GNG7: variants seen among roughly 807,000 people sequenced by gnomAD.
GNG7 encodes G protein subunit gamma 7.
A neutral mutation model predicts 4.0 loss-of-function variants in GNG7; 1 was observed. That is an observed-to-expected ratio of 0.25 (90% CI 0.09 to 1.18). The LOEUF (loss-of-function observed/expected upper bound fraction) is 1.18. Ranked by LOEUF, GNG7 falls within the 50% of genes most tolerant of loss-of-function variation. The pLI is 0.50. For missense variants in GNG7, 86 were observed against 91.9 expected, an observed-to-expected ratio of 0.94 and a Z score of 0.26; for synonymous variants, 34 against 36.9, an observed-to-expected ratio of 0.92 and a Z score of 0.29.
chr19:2,513,058 C>G lies in GNG7; in HGVS notation c.*1964G>C. On this transcript the variant is annotated 3_prime_UTR_variant, in exon 5 of 5. Transcript: ENST00000382159. ...GGACCTGCCGTAGAGAGCTGGGTGC[C>G]GGGGGTGGGGAGCCCGGCTGTGGCC... 1.0e-6 allele frequency: 1 copy of G among 985,534 alleles called. No individual in the cohort carries two copies. The highest frequency in any genetic ancestry group is 1.2e-6 in the Non-Finnish European group (1 of 830,038). 61.0% of individuals were successfully genotyped at this position (985,534 alleles called of 1,614,324 possible). A position where few individuals can be genotyped will look rare whatever the true frequency, so the allele number is the denominator to read the frequency against.
Position 2,511,397 on chromosome 19 carries a change from G to C in GNG7, c.*3625C>G, listed in dbSNP as rs117030699. 1,327 of 152,412 alleles carry C rather than the reference G, an allele frequency of 8.7e-3. 14 individuals carry two copies. Among genetic ancestry groups the C allele is most frequent in the Middle Eastern group, 0.041 (12 of 294 alleles). The allele number at this position is 152,412 out of a possible 1,614,324, so 9.4% of individuals were successfully genotyped here. ...ATAGAACCTGCTAGAACCACAGGCG[G>C]CGGCTGGAAACAGGAGACAGGTCTT... is the stretch of plus-strand genomic sequence containing the variant. On this transcript the variant is annotated 3_prime_UTR_variant, in exon 5 of 5. Transcript: ENST00000382159. The surrounding 1 kb of genome is among the most constrained non-coding windows in gnomAD (Gnocchi z 6.3).
At position 2,513,674 on chromosome 19, in the gene GNG7, G is replaced by A. The variant is rs1196655303; in HGVS notation, c.*1348C>T. On this transcript the variant is annotated 3_prime_UTR_variant, in exon 5 of 5. Transcript: ENST00000382159. ...CGAGCGACAGGGTAACGTTTTGAGCGGACGTTTTGATCTCCGGGACAACGT... is the reference window on the plus strand; with the variant it reads ...CGAGCGACAGGGTAACGTTTTGAGCAGACGTTTTGATCTCCGGGACAACGT... The A allele has an allele frequency of 8.3e-6, 5 of 601,598 alleles. No individual in the cohort carries two copies. The highest frequency in any genetic ancestry group is 6.3e-5 in the Admixed American group (1 of 15,764). The allele number at this position is 601,598 out of a possible 1,614,324, so 37.3% of individuals were successfully genotyped here.
rs947616160 is a variant in GNG7 at position 2,557,188 on chromosome 19, C to A, written c.-77-2000G>T. On this transcript the variant is annotated intron_variant, in intron 2 of 4. Transcript: ENST00000382159. The surrounding 1 kb of genome is among the most constrained non-coding windows in gnomAD (Gnocchi z 5.1). ...CGCGCACACACGTACACACAAGACA[C>A]GTGCACACACATTTGCATGCACACA... is the stretch of plus-strand genomic sequence containing the variant. Among the ~76,000 whole-genome samples, 1 of 151,734 alleles carries A rather than the reference C, an allele frequency of 6.6e-6. No homozygotes were observed. Among genetic ancestry groups the A allele is most frequent in the Non-Finnish European group, 1.5e-5 (1 of 67,944 alleles).
intron 2 of GNG7, among the ~76,000 whole-genome samples, chr19:2,574,581 G>A (rs72974893): frequency 0.085 from 12,997 of 152,242 alleles, 809 homozygotes; most frequent in African/African-American, 0.17. Flanking sequence ...TCATGGCTGC[G>A]TAATATTCCA....
intron 2 of GNG7, among the ~76,000 whole-genome samples, chr19:2,595,482 C>G (rs1357184818): frequency 6.6e-6 from 1 of 151,928 alleles, no homozygotes; most frequent in Non-Finnish European, 1.5e-5. Flanking sequence ...GCCTGTAATC[C>G]CAGCACTTTG....
intron 1 of GNG7, among the ~76,000 whole-genome samples, chr19:2,651,146 C>G (rs1300351238): frequency 6.6e-6 from 1 of 152,088 alleles, no homozygotes; most frequent in Non-Finnish European, 1.5e-5. Context: ...GTCAGGGGAC[C>G]TCGTGTACGA....
At chr19:2,669,335 C>T (rs1983391342) in intron 1 of GNG7, among the ~76,000 whole-genome samples, 1 of 152,016 alleles carries the variant, frequency 6.6e-6, no homozygotes, top group Non-Finnish European at 1.5e-5. Context: ...ACTAAAAATA[C>T]AAAAATTAGC....
At chr19:2,588,602 G>C (rs1980748007) in intron 2 of GNG7, among the ~76,000 whole-genome samples, 1 of 152,174 alleles carries the variant, frequency 6.6e-6, no homozygotes, top group African/African-American at 2.4e-5. Context: ...GTATTTCTTA[G>C]CCATCCTCCT....
chr19:2,512,327 C>T lies in GNG7; in HGVS notation c.*2695G>A. ...GCCACGTCTGCAAAGGTATTTTCCACAGTGTGGTCACTGAAGTCTACTCAA... is the reference window on the plus strand; with the variant it reads ...GCCACGTCTGCAAAGGTATTTTCCATAGTGTGGTCACTGAAGTCTACTCAA... On this transcript the variant is annotated 3_prime_UTR_variant, in exon 5 of 5. Transcript: ENST00000382159. This position sits in a 1 kb window ranked among gnomAD's most constrained non-coding sequence, Gnocchi z 4.7. 2.0e-6 allele frequency: 2 copies of T among 985,580 alleles called. No homozygotes were observed. Among genetic ancestry groups the T allele is most frequent in the African/African-American group, 1.7e-5 (1 of 57,176 alleles). 61.1% of individuals were successfully genotyped at this position (985,580 alleles called of 1,614,324 possible).
intron 2 of GNG7, among the ~76,000 whole-genome samples, chr19:2,556,720 G>A: frequency 6.6e-6 from 1 of 152,190 alleles, no homozygotes; most frequent in East Asian, 1.9e-4. Flanking sequence ...GCTGCAGGAA[G>A]GCGGTGACTG....
intron 1 of GNG7, among the ~76,000 whole-genome samples, chr19:2,667,518 C>T (rs990063103): frequency 6.6e-6 from 1 of 152,146 alleles, no homozygotes; most frequent in Non-Finnish European, 1.5e-5. Flanking sequence ...GTGACTGACA[C>T]CTGTCATCCC....
At chr19:2,572,305 C>T (rs1040364194) in intron 2 of GNG7, among the ~76,000 whole-genome samples, 46 of 152,152 alleles carry the variant, frequency 3.0e-4, no homozygotes, top group African/African-American at 1.1e-3. Context: ...AGGTGCATGC[C>T]ACCATGCTTG....
At position 2,511,791 on chromosome 19, in the gene GNG7, T is replaced by C; in HGVS notation, c.*3231A>G. On this transcript the variant is annotated 3_prime_UTR_variant, in exon 5 of 5. Transcript: ENST00000382159. The surrounding 1 kb of genome is among the most constrained non-coding windows in gnomAD (Gnocchi z 6.3). Reference sequence around the variant, plus strand: ...CCCTGGCCCAGCCGCCCCGTTTATGTCCCCAGAGGCCAGAGGTCGCAGCTG... The same window carrying C: ...CCCTGGCCCAGCCGCCCCGTTTATGCCCCCAGAGGCCAGAGGTCGCAGCTG... 6 of 986,030 alleles carry C rather than the reference T, an allele frequency of 6.1e-6. No individual in the cohort carries two copies. The highest frequency in any genetic ancestry group is 7.2e-6 in the Non-Finnish European group (6 of 830,124). 61.1% of individuals were successfully genotyped at this position (986,030 alleles called of 1,614,324 possible).
Position 2,673,118 on chromosome 19 carries a change from G to A in GNG7, c.-134-26838C>T, listed in dbSNP as rs191100953. Among the ~76,000 whole-genome samples the A allele has an allele frequency of 2.3e-3, 354 of 151,980 alleles. 2 individuals are homozygous for A. The highest frequency in any genetic ancestry group is 8.0e-3 in the African/African-American group (330 of 41,446). ...AAACAATACAAAAAATTAGCTGGGC[G>A]TGGCAGCGGGCGCCTGTAGTCCCAG... On this transcript the variant is annotated intron_variant, in intron 1 of 4. Transcript: ENST00000382159.
chr19:2,577,880 C>G (rs1290025866), intron 2 of GNG7, among the ~76,000 whole-genome samples: 1 of 149,452 alleles, frequency 6.7e-6, no homozygotes, highest in Non-Finnish European at 1.5e-5. Context: ...CTTGCTGTCA[C>G]CCAGGCTGGA....
intron 1 of GNG7, among the ~76,000 whole-genome samples, chr19:2,674,093 A>T (rs1983534444): frequency 6.6e-6 from 1 of 152,156 alleles, no homozygotes; most frequent in South Asian, 2.1e-4. Context: ...GTGAAACCCC[A>T]TCTCCACTAA....
chr19:2,655,895 G>A (rs961187846), intron 1 of GNG7, among the ~76,000 whole-genome samples: 3 of 148,580 alleles, frequency 2.0e-5, no homozygotes, highest in African/African-American at 5.0e-5. Flanking sequence ...GCGTGGTGGT[G>A]GGCACCTGTA....
At chr19:2,547,739 G>A (rs1979175690) in intron 3 of GNG7, among the ~76,000 whole-genome samples, 1 of 152,228 alleles carries the variant, frequency 6.6e-6, no homozygotes, top group African/African-American at 2.4e-5. Context: ...GGTGCAGGGA[G>A]TTCACAAAGG....
chr19:2,688,086 A>C (rs1983916682), intron 1 of GNG7, among the ~76,000 whole-genome samples: 1 of 151,610 alleles, frequency 6.6e-6, no homozygotes. Context: ...CCCCGTCCCT[A>C]CTAAAAATAA....
Sources: allele counts gnomAD v4.1 joint callset (sites outside exome capture counted in the v4.1 genomes callset), GRCh38; gene constraint gnomAD v4.1.1; non-coding constraint Gnocchi (gnomAD v3.1); transcripts MANE v1.5; gene names NCBI Gene and HGNC (gene_info 2026-07-23, HGNC 2026-07-21).